The following TMPRSS11E variants were observed in gnomAD, a reference collection of about 807,000 sequenced individuals.
The protein encoded by TMPRSS11E is transmembrane serine protease 11E, also known as transmembrane protease serine 11E.
In TMPRSS11E, 38 loss-of-function variants were observed where a neutral mutation model predicts 48.1. The observed-to-expected ratio is 0.79, with a 90% CI of 0.61 to 1.04. The LOEUF is 1.04. Ranked by LOEUF, TMPRSS11E falls within the 50% of genes least tolerant of loss-of-function variation. The pLI is 0.00. For synonymous variants in TMPRSS11E, 158 were observed against 171.9 expected (o/e 0.92, Z 0.63); for missense variants, 530 against 510.8 (o/e 1.04, Z -0.36).
chr4:68,477,436 G>C lies in TMPRSS11E; in HGVS notation c.775G>C (p.Gly259Arg), dbSNP rs1166190848. Residue 259 changes from glycine (G) to arginine (R), a missense_variant, in exon 8 of 10, where the codon GGT becomes CGT. Physicochemically the swap from Gly to Arg is moderately radical, Grantham distance 125. Coordinates refer to ENST00000305363, the MANE Select transcript of TMPRSS11E (RefSeq NM_014058.4). ...VTIKPSKMKR[G>R]LRRIIVHEKY... ...AATAAAACCTTCGAAAATGAAACGG[G>C]GTCTCCGGAGAATAATTGTCCATGA... is the stretch of plus-strand genomic sequence containing the variant. 6.2e-7 allele frequency: 1 copy of C among 1,613,930 alleles called. No individual in the cohort carries two copies. Among genetic ancestry groups the C allele is most frequent in the Non-Finnish European group, 8.5e-7 (1 of 1,179,910 alleles).
At chr4:68,450,369 A>G (rs1397358842) in intron 1 of TMPRSS11E, among the ~76,000 whole-genome samples, 1 of 151,950 alleles carries the variant, frequency 6.6e-6, no homozygotes, top group East Asian at 1.9e-4. Flanking sequence ...TAAAAGATGA[A>G]GCACCTGTGG....
chr4:68,467,702 T>C (rs1728963050), intron 3 of TMPRSS11E, among the ~76,000 whole-genome samples: 1 of 152,322 alleles, frequency 6.6e-6, no homozygotes, highest in Admixed American at 6.5e-5. Context: ...GACAGAAGCC[T>C]GGGGATTTGG....
In TMPRSS11E at chr4:68,471,583, A is replaced by G; in HGVS notation, c.450A>G (p.Val150=). ...TACATGAAAAGCTGCAAGATGCTGT[A>G]GGACCCCCTAAAGTAGATCCTCACT... is the stretch of plus-strand genomic sequence containing the variant. The part of the protein sequence containing the change: ...LVLHEKLQDA[V]GPPKVDPHSV... Residue 150 remains valine (V), a synonymous_variant, in exon 5 of 10, where the codon GTA becomes GTG. Coordinates refer to ENST00000305363, the MANE Select transcript of TMPRSS11E (RefSeq NM_014058.4). 3 of 1,610,008 alleles carry G rather than the reference A, an allele frequency of 1.9e-6. No individual in the cohort carries two copies. The highest frequency in any genetic ancestry group is 2.5e-6 in the Non-Finnish European group (3 of 1,178,094).
At chr4:68,457,045 A>T (rs1380005650) in intron 1 of TMPRSS11E, among the ~76,000 whole-genome samples, 1 of 152,212 alleles carries the variant, frequency 6.6e-6, no homozygotes, top group South Asian at 2.1e-4. Context: ...AGAAGCCAAA[A>T]TTGACAAATG....
At chr4:68,468,789 G>A in intron 3 of TMPRSS11E, 90 bp from the exon 4 acceptor site, 1 of 1,007,456 alleles carries the variant, frequency 9.9e-7, no homozygotes, top group Non-Finnish European at 1.6e-6. Context: ...GCTCTGTTTT[G>A]TTTTTTAATT....
intron 9 of TMPRSS11E, among the ~76,000 whole-genome samples, chr4:68,484,841 C>A (rs1361714954): frequency 6.6e-6 from 1 of 152,078 alleles, no homozygotes; most frequent in Non-Finnish European, 1.5e-5. Context: ...GTTCTAGGAG[C>A]CTTTGGGCAG....
chr4:68,465,792 G>T (rs918933211), intron 2 of TMPRSS11E, among the ~76,000 whole-genome samples: 13 of 152,118 alleles, frequency 8.5e-5, no homozygotes, highest in African/African-American at 3.1e-4. Flanking sequence ...TATTTCTAAT[G>T]GTTGACACAG....
In TMPRSS11E at chr4:68,494,115, T is replaced by C. The variant is rs138219883; in HGVS notation, c.1111-2528T>C. Among the ~76,000 whole-genome samples the C allele has an allele frequency of 4.6e-3, 508 of 111,096 alleles. 3 individuals carry two copies. Among genetic ancestry groups the C allele is most frequent in the African/African-American group, 0.013 (474 of 37,442 alleles). 72.9% of individuals were successfully genotyped at this position (111,096 alleles called of 152,430 possible). ...GATCTCAGATAAAGTTTTTATCTGCTGTCTATATTCTCACTCAAAGAAGCC... is the reference window on the plus strand; with the variant it reads ...GATCTCAGATAAAGTTTTTATCTGCCGTCTATATTCTCACTCAAAGAAGCC... On this transcript the variant is annotated intron_variant, in intron 9 of 9. Coordinates refer to ENST00000305363, the MANE Select transcript of TMPRSS11E (RefSeq NM_014058.4).
chr4:68,484,268 A>T (rs1729491608), intron 9 of TMPRSS11E, among the ~76,000 whole-genome samples: 1 of 152,070 alleles, frequency 6.6e-6, no homozygotes, highest in Non-Finnish European at 1.5e-5. Flanking sequence ...CTATTCATGA[A>T]CACAAACTGT....
chr4:68,462,679 C>T (rs569821599), intron 2 of TMPRSS11E, among the ~76,000 whole-genome samples: 1 of 152,018 alleles, frequency 6.6e-6, no homozygotes, highest in East Asian at 1.9e-4. Flanking sequence ...CTATTCTGTA[C>T]CAGTAAGTTA....
At chr4:68,471,280 T>C (rs1578138148) in intron 4 of TMPRSS11E, among the ~76,000 whole-genome samples, 180 bp from the exon 5 acceptor site, 7 of 150,730 alleles carry the variant, frequency 4.6e-5, no homozygotes, top group Admixed American at 1.3e-4. Context: ...CTTCCTCCCC[T>C]CCATTCCCTT....
At position 68,468,933 on chromosome 4, in the gene TMPRSS11E, G is replaced by A. The variant is rs1227986697; in HGVS notation, c.313G>A (p.Val105Ile). 3.1e-6 allele frequency: 5 copies of A among 1,610,940 alleles called. No individual in the cohort carries two copies. The highest frequency in any genetic ancestry group is 2.2e-5 in the South Asian group (2 of 90,930). Residue 105 changes from valine (V) to isoleucine (I), a missense_variant, in exon 4 of 10, where the codon GTT (valine) becomes ATT (isoleucine). Physicochemically the swap from Val to Ile is conservative, Grantham distance 29. Transcript: ENST00000305363. Reference protein sequence around the residue: ...PLREEFVKSQVIKFSQQKHGV... With the variant: ...PLREEFVKSQIIKFSQQKHGV... ...AAGGGAAGAATTTGTCAAGTCTCAG[G>A]TTATCAAGTTCAGGTATGTAAATCT...
intron 6 of TMPRSS11E, among the ~76,000 whole-genome samples, chr4:68,475,025 G>A (rs1459302927): frequency 2.0e-5 from 3 of 152,118 alleles, no homozygotes; most frequent in Non-Finnish European, 2.9e-5. Flanking sequence ...TGTTAAAGAA[G>A]AGGCAAGAAA....
chr4:68,487,452 A>G (rs1336170996), intron 9 of TMPRSS11E, among the ~76,000 whole-genome samples: 1 of 151,844 alleles, frequency 6.6e-6, no homozygotes, highest in African/African-American at 2.4e-5. Context: ...GGATTTCGCT[A>G]TGTTGGCCAG....
rs562482158 is a variant in TMPRSS11E, at chr4:68,474,644, C to A, written c.491-79C>A. On this transcript the variant is annotated intron_variant, in intron 5 of 9. Coordinates refer to ENST00000305363, the MANE Select transcript of TMPRSS11E (RefSeq NM_014058.4). ...ACTGTTTTATAATAAAATTAAGCAG[C>A]CTTTTAGTATTTGAAATACTCGGAG... is the stretch of plus-strand genomic sequence containing the variant. The A allele has an allele frequency of 5.7e-5, 75 of 1,318,922 alleles. 1 individual carries two copies. In the South Asian group the frequency reaches 8.9e-4, roughly 16 times the overall value. The allele number at this position is 1,318,922 out of a possible 1,614,324, so 81.7% of individuals were successfully genotyped here. A position where few individuals can be genotyped will look rare whatever the true frequency, so the allele number is the denominator to read the frequency against.
chr4:68,470,798 C>T (rs532320885), intron 4 of TMPRSS11E, among the ~76,000 whole-genome samples: 2 of 151,894 alleles, frequency 1.3e-5, no homozygotes, highest in South Asian at 2.1e-4. Context: ...AATTAATGCT[C>T]TGTGTTGAAA....
intron 1 of TMPRSS11E, among the ~76,000 whole-genome samples, chr4:68,451,187 T>C (rs563674739): frequency 6.6e-6 from 1 of 152,032 alleles, no homozygotes; most frequent in East Asian, 1.9e-4. Context: ...GCTTGTTTTA[T>C]GGCTCTATCA....
At chr4:68,447,562 T>C in intron 1 of TMPRSS11E, 39 bp downstream of exon 1, 1 of 1,593,392 alleles carries the variant, frequency 6.3e-7, no homozygotes, top group Non-Finnish European at 8.6e-7. Context: ...AGTCTTAAGG[T>C]AACTTTTAGT....
At position 68,483,725 on chromosome 4, in the gene TMPRSS11E, G is replaced by C. The variant is rs550349889; in HGVS notation, c.1110+4734G>C. 3.9e-5 allele frequency among the ~76,000 whole-genome samples: 6 copies of C among 152,276 alleles called. 1 individual carries two copies. Among genetic ancestry groups the C allele is most frequent in the African/African-American group, 1.4e-4 (6 of 41,564 alleles). On this transcript the variant is annotated intron_variant, in intron 9 of 9. Coordinates refer to ENST00000305363, the MANE Select transcript of TMPRSS11E (RefSeq NM_014058.4). ...CTTTGCTAAGGCTGATGTCCAGAAT[G>C]GTAGTTCCTAGGTTTTCTTCTAGAG...
Sources: gnomAD v4.1 joint callset for allele counts (sites outside exome capture counted in the v4.1 genomes callset) on GRCh38, gnomAD v4.1.1 for gene constraint, MANE v1.5 for transcripts, NCBI Gene and HGNC (gene_info 2026-07-23, HGNC 2026-07-21) for gene names.